The following ANXA4 variants were observed in gnomAD, a reference collection of about 807,000 sequenced individuals.
ANXA4 encodes the protein 35-beta calcimedin.
Under a neutral mutation model 49.8 loss-of-function variants are expected in ANXA4, and 39 were observed. That is an observed-to-expected ratio of 0.78 (90% CI 0.61 to 1.02). The LOEUF (loss-of-function observed/expected upper bound fraction) is 1.02. ANXA4 is among the 50% of genes least tolerant of loss of function. The pLI is 0.00. For missense variants in ANXA4, 360 were observed against 410.1 expected (o/e 0.88, Z 1.05); for synonymous variants, 134 against 152.5 (o/e 0.88, Z 0.89).
At chr2:69,785,297 G>T (rs1389585779) in intron 2 of ANXA4, among the ~76,000 whole-genome samples, 1 of 152,146 alleles carries the variant, frequency 6.6e-6, no homozygotes, top group Non-Finnish European at 1.5e-5. Flanking sequence ...CTCAAGTCAG[G>T]CTCACCAGAG....
At chr2:69,717,276 T>C (rs72622607) in intron 2 of ANXA4, among the ~76,000 whole-genome samples, 1,553 of 152,306 alleles carry the variant, frequency 0.01, 31 homozygotes, top group East Asian at 0.083. Flanking sequence ...AAAGCTGGCA[T>C]TGAGGTGGCA....
rs541987793 is a variant in ANXA4, at chr2:69,671,298, A to G, written n.766+18016A>G. On this transcript the variant is annotated intron_variant and non_coding_transcript_variant, in intron 2 of 3. Transcript: ENST00000418066. ...AATGACAGGCTAAAACTCAATCAAA[A>G]TATCTGCAACTCTAGTAACAGTAAA... 3.9e-5 allele frequency among the ~76,000 whole-genome samples: 6 copies of G among 152,354 alleles called. No individual in the cohort carries two copies. The South Asian group carries it at 1.2e-3, about 32-fold the overall frequency.
At position 69,762,399 on chromosome 2, in the gene ANXA4, A is replaced by T. The variant is rs1178451574; in HGVS notation, c.-46-19121A>T. Among the ~76,000 whole-genome samples the T allele has an allele frequency of 2.0e-5, 3 of 152,020 alleles. No individual in the cohort carries two copies. In the South Asian group the frequency reaches 6.2e-4, roughly 31 times the overall value. On this transcript the variant is annotated intron_variant, in intron 1 of 12. Transcript: ENST00000394295. ...AGACCCCGTCTAGGGGAAAAAAAAA[A>T]AAAAAGACATAGTGAACAGAACACT... is the stretch of plus-strand genomic sequence containing the variant.
intron 1 of ANXA4, among the ~76,000 whole-genome samples, chr2:69,778,640 C>G (rs1050153199): frequency 1.3e-5 from 2 of 151,910 alleles, no homozygotes. Context: ...CCAGGCATGG[C>G]GGCACATGCT....
intron 12 of ANXA4, 47 bp downstream of exon 12, chr2:69,820,868 C>T (rs749388711): frequency 8.9e-6 from 14 of 1,576,336 alleles, no homozygotes; most frequent in Non-Finnish European, 1.2e-5. Flanking sequence ...CAGAAAAGGA[C>T]CCCTCTGACC....
intron 2 of ANXA4, among the ~76,000 whole-genome samples, chr2:69,674,861 CTA>C (rs1294149646): frequency 6.6e-6 from 1 of 150,598 alleles, no homozygotes; most frequent in Non-Finnish European, 1.5e-5. Flanking sequence ...CTCAGTAACA[CTA>C]TTGATAATTT....
intron 11 of ANXA4, 64 bp from the exon 12 acceptor site, chr2:69,820,635 C>A: frequency 6.3e-7 from 1 of 1,592,224 alleles, no homozygotes; most frequent in Non-Finnish European, 8.6e-7. Flanking sequence ...CTTTGATAGA[C>A]TAAAGAAGAC....
At chr2:69,725,327 G>A (rs1669934590) in intron 3 of ANXA4, among the ~76,000 whole-genome samples, 2 of 148,880 alleles carry the variant, frequency 1.3e-5, no homozygotes, top group Non-Finnish European at 1.5e-5. Flanking sequence ...TATAAATGAT[G>A]CCCCAAATAA....
At chr2:69,664,264 G>A (rs74427429) in intron 2 of ANXA4, among the ~76,000 whole-genome samples, 3,241 of 152,280 alleles carry the variant, frequency 0.021, 95 homozygotes, top group East Asian at 0.12. Context: ...TATCTTCCAT[G>A]TACCTTTTTT....
At chr2:69,660,769 A>C (rs1676682914) in intron 2 of ANXA4, among the ~76,000 whole-genome samples, 1 of 150,758 alleles carries the variant, frequency 6.6e-6, no homozygotes, top group South Asian at 2.1e-4. Flanking sequence ...GCCAGAAGGG[A>C]GGGAGGGAGA....
At chr2:69,793,808 G>C (rs1672800812) in intron 3 of ANXA4, among the ~76,000 whole-genome samples, 1 of 151,592 alleles carries the variant, frequency 6.6e-6, no homozygotes, top group Non-Finnish European at 1.5e-5. Context: ...GCCATTCTAG[G>C]TGCACCAAGA....
At chr2:69,712,258 T>G (rs1197582139) in intron 2 of ANXA4, among the ~76,000 whole-genome samples, 1 of 151,590 alleles carries the variant, frequency 6.6e-6, no homozygotes, top group Non-Finnish European at 1.5e-5. Context: ...AATTGGAGGG[T>G]GGAAGCAAAC....
At chr2:69,660,737 G>A (rs769295584) in intron 2 of ANXA4, among the ~76,000 whole-genome samples, 4 of 151,640 alleles carry the variant, frequency 2.6e-5, no homozygotes, top group Non-Finnish European at 4.4e-5. Flanking sequence ...CAATTAACTA[G>A]AAGTTAAAGC....
At chr2:69,715,897 C>T (rs578253289) in intron 2 of ANXA4, among the ~76,000 whole-genome samples, 1 of 152,310 alleles carries the variant, frequency 6.6e-6, no homozygotes, top group East Asian at 1.9e-4. Flanking sequence ...ATTCTTTCTT[C>T]CTAGGTCAAG....
intron 8 of ANXA4, chr2:69,814,929 T>A (rs13019903): frequency 1.3e-5 from 2 of 152,166 alleles, no homozygotes; most frequent in Non-Finnish European, 2.9e-5. Flanking sequence ...GCAGTTCCCA[T>A]CTGAAGGCCA....
chr2:69,747,802 C>T (rs1670671847), intron 1 of ANXA4, among the ~76,000 whole-genome samples: 1 of 152,108 alleles, frequency 6.6e-6, no homozygotes, highest in African/African-American at 2.4e-5. Flanking sequence ...CCTTCCACTT[C>T]AGCCTCTAGA....
intron 2 of ANXA4, among the ~76,000 whole-genome samples, chr2:69,676,017 AAAT>A (rs1677400617): frequency 6.6e-6 from 1 of 150,992 alleles, no homozygotes; most frequent in African/African-American, 2.4e-5. Flanking sequence ...AAAAAAAAAA[AAAT>A]AATAATGATA....
chr2:69,727,276 C>T (rs1179938073), intron 3 of ANXA4, among the ~76,000 whole-genome samples: 4 of 152,214 alleles, frequency 2.6e-5, no homozygotes, highest in South Asian at 2.1e-4. Flanking sequence ...AACACTGTTA[C>T]GCATTGCTGG....
chr2:69,737,206 T>G (rs1176791772), upstream of ANXA4, among the ~76,000 whole-genome samples: 1 of 152,240 alleles, frequency 6.6e-6, no homozygotes, highest in Non-Finnish European at 1.5e-5. Flanking sequence ...ATGTGAAACC[T>G]TATTTCCTCC....
Sources: gnomAD v4.1 joint callset for allele counts (sites outside exome capture counted in the v4.1 genomes callset) on GRCh38, gnomAD v4.1.1 for gene constraint, MANE v1.5 for transcripts, NCBI Gene and HGNC (gene_info 2026-07-23, HGNC 2026-07-21) for gene names.